The following LAPTM4B variants were observed in gnomAD, a reference collection of about 807,000 sequenced individuals.
The protein encoded by LAPTM4B is lysosomal-associated transmembrane protein 4B.
A neutral mutation model predicts 28.5 loss-of-function variants in LAPTM4B; 26 were observed. The observed-to-expected ratio is 0.91, with a 90% CI of 0.67 to 1.27. LAPTM4B has a LOEUF of 1.27. Ranked by LOEUF, LAPTM4B falls within the 50% of genes most tolerant of loss-of-function variation. The probability of loss-of-function intolerance (pLI) is 0.00; values close to 1 mark genes in which losing one functional copy is unlikely to be tolerated. For missense variants in LAPTM4B, 288 were observed against 285.8 expected, an observed-to-expected ratio of 1.01 and a Z score of -0.06; for synonymous variants, 109 against 106.4, an observed-to-expected ratio of 1.02 and a Z score of -0.15.
At chr8:97,786,968 A>G (rs1816413368) in intron 1 of LAPTM4B, among the ~76,000 whole-genome samples, 1 of 152,084 alleles carries the variant, frequency 6.6e-6, no homozygotes, top group Non-Finnish European at 1.5e-5. Context: ...GTTGGCCAAC[A>G]TTGTTCCTTG....
At chr8:97,794,770 A>G (rs1253925409) in intron 1 of LAPTM4B, among the ~76,000 whole-genome samples, 3 of 152,198 alleles carry the variant, frequency 2.0e-5, no homozygotes, top group East Asian at 1.9e-4. Flanking sequence ...CTGGAGTGCA[A>G]TGGCGTGATC....
intron 6 of LAPTM4B, among the ~76,000 whole-genome samples, chr8:97,848,196 A>G (rs915783447): frequency 6.6e-6 from 1 of 152,180 alleles, no homozygotes; most frequent in African/African-American, 2.4e-5. Context: ...CAGGAGGTGG[A>G]GGTTGCACTC....
intron 4 of LAPTM4B, among the ~76,000 whole-genome samples, chr8:97,818,738 G>C (rs1304162969): frequency 6.6e-6 from 1 of 152,060 alleles, no homozygotes; most frequent in Non-Finnish European, 1.5e-5. Context: ...TGGCTCTGTC[G>C]CCCGGGCGGC....
At chr8:97,796,997 TC>T (rs1195068079) in intron 1 of LAPTM4B, among the ~76,000 whole-genome samples, 1 of 152,080 alleles carries the variant, frequency 6.6e-6, no homozygotes, top group African/African-American at 2.4e-5. Flanking sequence ...GTACAATGGC[TC>T]ATGCTTGTGA....
intron 2 of LAPTM4B, among the ~76,000 whole-genome samples, chr8:97,808,154 AT>A (rs2129776466): frequency 6.6e-6 from 1 of 151,624 alleles, no homozygotes; most frequent in South Asian, 2.1e-4. Flanking sequence ...ATTTGAAGTA[AT>A]TAATTATTCA....
intron 6 of LAPTM4B, among the ~76,000 whole-genome samples, chr8:97,836,154 T>A (rs1211155573): frequency 6.6e-6 from 1 of 151,774 alleles, no homozygotes; most frequent in Admixed American, 6.6e-5. Flanking sequence ...TGGTAATAGG[T>A]TTCTTTCACA....
chr8:97,807,986 A>G (rs540619144), intron 2 of LAPTM4B, among the ~76,000 whole-genome samples: 1 of 151,534 alleles, frequency 6.6e-6, no homozygotes, highest in East Asian at 2.0e-4. Context: ...TCACATGGCT[A>G]ATTTTTGTGT....
Position 97,832,477 on chromosome 8 carries a change from G to A in LAPTM4B, c.603+7324G>A, listed in dbSNP as rs532796679. 3.9e-5 allele frequency among the ~76,000 whole-genome samples: 6 copies of A among 152,132 alleles called. No individual in the cohort carries two copies. The East Asian group carries it at 9.7e-4, about 24-fold the overall frequency. The stretch of plus-strand genomic sequence containing the variant: ...GCCATTTTTAAGATGAGGAAACTGA[G>A]GTACTGATAATGTTACTATTTTCCC... On this transcript the variant is annotated intron_variant, in intron 6 of 6. Coordinates refer to ENST00000521545, the MANE Select transcript of LAPTM4B (RefSeq NM_018407.6).
At position 97,800,484 on chromosome 8, in the gene LAPTM4B, C is replaced by CTTTTTTTTTTTT. The variant is rs546425169; in HGVS notation, c.100-4853_100-4842dup. The stretch of plus-strand genomic sequence containing the variant: ...CTTCTGTAATATTACCCCTTGACCT[C>CTTTTTTTTTTTT]TTTTTTTTTTTTTTTTTTTTTTTTT... On this transcript the variant is annotated intron_variant, in intron 1 of 6. Transcript: ENST00000521545. Among the ~76,000 whole-genome samples the CTTTTTTTTTTTT allele has an allele frequency of 5.9e-4, 41 of 69,322 alleles. 2 individuals are homozygous for CTTTTTTTTTTTT. The highest frequency in any genetic ancestry group is 3.0e-3 in the African/African-American group (40 of 13,388). 45.5% of individuals were successfully genotyped at this position (69,322 alleles called of 152,430 possible). A position where few individuals can be genotyped will look rare whatever the true frequency, so the allele number is the denominator to read the frequency against.
At chr8:97,797,922 A>G (rs1003969846) in intron 1 of LAPTM4B, among the ~76,000 whole-genome samples, 2 of 152,246 alleles carry the variant, frequency 1.3e-5, no homozygotes, top group African/African-American at 4.8e-5. Context: ...AATATGTGAC[A>G]TCACAGGATC....
At chr8:97,806,065 A>G (rs535203657) in intron 2 of LAPTM4B, among the ~76,000 whole-genome samples, 2 of 152,298 alleles carry the variant, frequency 1.3e-5, no homozygotes, top group African/African-American at 2.4e-5. Flanking sequence ...GTACAGATTT[A>G]TTTCTCATTG....
chr8:97,840,015 C>T (rs571177113), intron 6 of LAPTM4B, among the ~76,000 whole-genome samples: 1 of 152,110 alleles, frequency 6.6e-6, no homozygotes, highest in Non-Finnish European at 1.5e-5. Flanking sequence ...AGCAGCTGGG[C>T]ATGGTGGGAT....
At chr8:97,842,423 G>T (rs750706595) in intron 6 of LAPTM4B, among the ~76,000 whole-genome samples, 6 of 152,158 alleles carry the variant, frequency 3.9e-5, no homozygotes, top group African/African-American at 7.2e-5. Flanking sequence ...TTGTTCAGTA[G>T]CCCCTGCTTT....
chr8:97,844,478 A>G (rs1043408103), intron 6 of LAPTM4B, among the ~76,000 whole-genome samples: 2 of 152,126 alleles, frequency 1.3e-5, no homozygotes, highest in African/African-American at 4.8e-5. Context: ...CATTGGTGTT[A>G]ACATGTTCCC....
chr8:97,786,042 G>A (rs1299035735), intron 1 of LAPTM4B, among the ~76,000 whole-genome samples: 1 of 152,202 alleles, frequency 6.6e-6, no homozygotes, highest in Non-Finnish European at 1.5e-5. Context: ...GGCCACAGTT[G>A]TCCCATTCTG....
At chr8:97,828,978 G>A (rs1817135548) in intron 6 of LAPTM4B, among the ~76,000 whole-genome samples, 1 of 152,160 alleles carries the variant, frequency 6.6e-6, no homozygotes. Flanking sequence ...AAGTGCAGGT[G>A]CCTGTCCGGT....
chr8:97,823,347 TTTTTTTTTG>T (rs1563615507), intron 5 of LAPTM4B, among the ~76,000 whole-genome samples: 2 of 35,328 alleles, frequency 5.7e-5, no homozygotes, highest in East Asian at 2.5e-3. Flanking sequence ...CAATATGGTT[TTTTTTTTTG>T]TTTTTTTTTT....
At chr8:97,819,858 C>G (rs1816977634) in intron 5 of LAPTM4B, among the ~76,000 whole-genome samples, 1 of 151,610 alleles carries the variant, frequency 6.6e-6, no homozygotes, top group Non-Finnish European at 1.5e-5. Context: ...CCTCAGCCTC[C>G]CCAGTAGGTG....
intron 1 of LAPTM4B, among the ~76,000 whole-genome samples, chr8:97,783,886 C>A (rs746595338): frequency 6.6e-6 from 1 of 152,286 alleles, no homozygotes; most frequent in South Asian, 2.1e-4. Context: ...TGCGTGTGCA[C>A]GTAATACATT....
Sources: allele counts gnomAD v4.1 joint callset (sites outside exome capture counted in the v4.1 genomes callset), GRCh38; gene constraint gnomAD v4.1.1; transcripts MANE v1.5; gene names NCBI Gene and HGNC (gene_info 2026-07-23, HGNC 2026-07-21).